Variants in CADM2 observed in about 807,000 individuals in gnomAD.
CADM2 encodes the protein cell adhesion molecule 2.
CADM2 carries 12 observed loss-of-function variants against 49.8 expected under a neutral mutation model. The ratio of observed to expected loss-of-function variants is 0.24; its 90% CI spans 0.15 to 0.39. The LOEUF is 0.39. Ranked by LOEUF, CADM2 falls within the 10% of genes least tolerant of loss-of-function variation. The probability of loss-of-function intolerance (pLI) is 1.00; values close to 1 mark genes in which losing one functional copy is unlikely to be tolerated. For synonymous variants in CADM2, 214 were observed against 175.4 expected (o/e 1.22, Z -1.74); for missense variants, 378 against 492.3 (o/e 0.77, Z 2.20).
At chr3:86,046,533 A>G (rs1013520153) in intron 8 of CADM2, among the ~76,000 whole-genome samples, 4 of 152,068 alleles carry the variant, frequency 2.6e-5, no homozygotes, top group African/African-American at 9.7e-5. Flanking sequence ...GGGCTGGAGT[A>G]CTGGTATCTA....
rs561445376 is a variant in CADM2, at chr3:85,269,955, T to G, written c.61+310287T>G. Among the ~76,000 whole-genome samples, 5 of 151,448 alleles carry G rather than the reference T, an allele frequency of 3.3e-5. No homozygotes were observed. In the South Asian group the frequency reaches 8.3e-4, roughly 25 times the overall value. ...ATTATATTGTAACCCACAATATCGT[T>G]TACAGGCAAAATAATGGTATATCAT... is the stretch of plus-strand genomic sequence containing the variant. On this transcript the variant is annotated intron_variant, in intron 1 of 9. Coordinates refer to ENST00000383699, the MANE Select transcript of CADM2 (RefSeq NM_001167675.2).
At chr3:84,965,267 C>T (rs544976075) in intron 1 of CADM2, among the ~76,000 whole-genome samples, 12 of 152,152 alleles carry the variant, frequency 7.9e-5, no homozygotes, top group Non-Finnish European at 1.5e-4. Flanking sequence ...TGAGGATTAA[C>T]CTAGAGCTGT....
intron 1 of CADM2, among the ~76,000 whole-genome samples, chr3:85,266,340 TTATGAC>T (rs1305599246): frequency 6.6e-6 from 1 of 151,888 alleles, no homozygotes; most frequent in East Asian, 1.9e-4. Flanking sequence ...GAAAATGATT[TTATGAC>T]TATTCAGTTC....
intron 1 of CADM2, among the ~76,000 whole-genome samples, chr3:85,371,808 T>C (rs2033261675): frequency 6.6e-6 from 1 of 150,628 alleles, no homozygotes; most frequent in Non-Finnish European, 1.5e-5. Flanking sequence ...TAACTTTTTG[T>C]ATACTTGGGT....
intron 1 of CADM2, among the ~76,000 whole-genome samples, chr3:85,207,448 T>G (rs896471155): frequency 3.3e-5 from 5 of 152,170 alleles, no homozygotes; most frequent in Admixed American, 6.5e-5. Context: ...GCATATATAT[T>G]TATAATCTCT....
chr3:85,747,595 C>T (rs886939987), intron 2 of CADM2, among the ~76,000 whole-genome samples: 3 of 152,010 alleles, frequency 2.0e-5, no homozygotes, highest in African/African-American at 7.2e-5. Flanking sequence ...AATGGTAAAA[C>T]CTTTATTCTT....
At chr3:85,996,892 A>G (rs1729500190) in intron 8 of CADM2, among the ~76,000 whole-genome samples, 2 of 152,148 alleles carry the variant, frequency 1.3e-5, no homozygotes, top group African/African-American at 4.8e-5. Context: ...CCCTATTTTG[A>G]TGCTTTTGAA....
chr3:85,074,122 C>G (rs931501827), intron 1 of CADM2, among the ~76,000 whole-genome samples: 3 of 152,076 alleles, frequency 2.0e-5, no homozygotes, highest in African/African-American at 7.2e-5. Flanking sequence ...GCTCCCGTTA[C>G]CACTTTCACC....
rs1370107890 is a variant in CADM2 at position 84,988,665 on chromosome 3, TG to T, written c.61+28998del. On this transcript the variant is annotated intron_variant, in intron 1 of 9. Coordinates refer to ENST00000383699, the MANE Select transcript of CADM2 (RefSeq NM_001167675.2). ...TCTTTCATCCTATTTATTGACTCAT[TG>T]TTTTTAGTAAAACTTATGTTTAATT... Among the ~76,000 whole-genome samples, 6 of 152,192 alleles carry T rather than the reference TG, an allele frequency of 3.9e-5. 1 individual carries two copies. In the South Asian group the frequency reaches 8.3e-4, roughly 21 times the overall value.
chr3:84,961,472 C>T (rs2030506597), intron 1 of CADM2, among the ~76,000 whole-genome samples: 1 of 152,152 alleles, frequency 6.6e-6, no homozygotes, highest in South Asian at 2.1e-4. Context: ...CGCCGAGTCC[C>T]ATTTCTCACC....
At chr3:85,830,130 C>T (rs904644595) in intron 3 of CADM2, among the ~76,000 whole-genome samples, 14 of 152,034 alleles carry the variant, frequency 9.2e-5, no homozygotes, top group African/African-American at 3.4e-4. Context: ...TGTTTACATT[C>T]CCACCAACAA....
chr3:85,743,145 C>T (rs2068466153), intron 2 of CADM2, among the ~76,000 whole-genome samples: 1 of 152,046 alleles, frequency 6.6e-6, no homozygotes, highest in South Asian at 2.1e-4. Flanking sequence ...CTATCTATTG[C>T]TGATTTTTTT....
At chr3:85,701,265 C>T (rs1166874593) in intron 1 of CADM2, among the ~76,000 whole-genome samples, 1 of 152,120 alleles carries the variant, frequency 6.6e-6, no homozygotes, top group African/African-American at 2.4e-5. Flanking sequence ...AGAAACTGCA[C>T]CTGTGATCCA....
intron 1 of CADM2, among the ~76,000 whole-genome samples, chr3:85,267,282 G>A (rs1380753683): frequency 6.6e-6 from 1 of 151,664 alleles, no homozygotes; most frequent in Non-Finnish European, 1.5e-5. Context: ...GGTTTTGTCT[G>A]GTTACAGTTG....
intron 1 of CADM2, among the ~76,000 whole-genome samples, chr3:85,092,145 G>A (rs977978742): frequency 5.9e-5 from 9 of 151,958 alleles, no homozygotes; most frequent in South Asian, 2.1e-4. Flanking sequence ...AAAACAATGC[G>A]CCCTGTCCTG....
chr3:85,948,216 A>G (rs1471520680), intron 7 of CADM2, among the ~76,000 whole-genome samples: 2 of 151,586 alleles, frequency 1.3e-5, no homozygotes, highest in Non-Finnish European at 3.0e-5. Flanking sequence ...TTGCAGAAAA[A>G]TGAATAATCA....
intron 8 of CADM2, among the ~76,000 whole-genome samples, chr3:86,037,678 T>C (rs1298863885): frequency 6.6e-6 from 1 of 152,212 alleles, no homozygotes; most frequent in African/African-American, 2.4e-5. Flanking sequence ...TAAGTATTTA[T>C]TGTTAATATT....
rs543336969 is a variant in CADM2 at position 85,828,936 on chromosome 3, T to C, written c.238+26740T>C. On this transcript the variant is annotated intron_variant, in intron 3 of 9. Transcript: ENST00000383699. ...TGAAGTTCCTTTCCTACATTATCTC[T>C]TGAAGTGTAAATCTCACTTTGTAAG... is the stretch of plus-strand genomic sequence containing the variant. Among the ~76,000 whole-genome samples, 6 of 152,072 alleles carry C rather than the reference T, an allele frequency of 3.9e-5. No homozygotes were observed. The East Asian group carries it at 1.2e-3, about 30-fold the overall frequency.
chr3:85,454,720 TA>T (rs763477593), intron 1 of CADM2, among the ~76,000 whole-genome samples: 2 of 152,138 alleles, frequency 1.3e-5, no homozygotes, highest in Admixed American at 6.5e-5. Flanking sequence ...ACTCAACAAA[TA>T]TTTGTCAAGT....
Sources: gnomAD v4.1 joint callset for allele counts (sites outside exome capture counted in the v4.1 genomes callset) on GRCh38, gnomAD v4.1.1 for gene constraint, MANE v1.5 for transcripts, NCBI Gene and HGNC (gene_info 2026-07-23, HGNC 2026-07-21) for gene names.